DAZAP1: variants seen among roughly 807,000 people sequenced by gnomAD.
DAZAP1 encodes DAZ associated protein 1, also known as DAZ-associated protein 1.
A neutral mutation model predicts 60.1 loss-of-function variants in DAZAP1; 6 were observed. The ratio of observed to expected loss-of-function variants is 0.10; its 90% confidence interval spans 0.05 to 0.20. The LOEUF (loss-of-function observed/expected upper bound fraction) is 0.20, where lower values mean the gene tolerates loss of function less well. Ranked by LOEUF, DAZAP1 falls within the 10% of genes least tolerant of loss-of-function variation. The pLI, the probability that DAZAP1 is intolerant of heterozygous loss-of-function variation, is 1.00. For synonymous variants in DAZAP1, 235 were observed against 215.9 expected (o/e 1.09, Z -0.78); for missense variants, 366 against 560.4 (o/e 0.65, Z 3.50).
At position 1,433,583 on chromosome 19, in the gene DAZAP1, C is replaced by T. The variant is rs546902173; in HGVS notation, c.1048+893C>T. On this transcript the variant is annotated intron_variant, in intron 11 of 11. Transcript: ENST00000233078. This position sits in a 1 kb window ranked among gnomAD's most constrained non-coding sequence, Gnocchi z 6.1. ...CGCCCAGGCCTTGGGCCGAGGTTGC[C>T]GCATGTGTGGGTTCTTGACCCACTC... 2.1e-5 allele frequency: 13 copies of T among 621,874 alleles called. No homozygotes were observed. Among genetic ancestry groups the T allele is most frequent in the South Asian group, 5.6e-5 (3 of 53,118 alleles). 38.5% of individuals were successfully genotyped at this position (621,874 alleles called of 1,614,324 possible). A position where few individuals can be genotyped will look rare whatever the true frequency, so the allele number is the denominator to read the frequency against.
intron 1 of DAZAP1, among the ~76,000 whole-genome samples, chr19:1,408,085 G>C (rs538952563): frequency 4.6e-5 from 7 of 151,888 alleles, no homozygotes; most frequent in African/African-American, 1.4e-4. Flanking sequence ...GCCGCCTCCA[G>C]ACTTCCTGGT....
Position 1,433,603 on chromosome 19 carries a change from CCA to C in DAZAP1, c.1048+915_1048+916del. 1 of 696,282 alleles carries C rather than the reference CCA, an allele frequency of 1.4e-6. No individual in the cohort carries two copies. Among genetic ancestry groups the C allele is most frequent in the Non-Finnish European group, 2.5e-6 (1 of 405,544 alleles). The allele number at this position is 696,282 out of a possible 1,614,324, so 43.1% of individuals were successfully genotyped here. On this transcript the variant is annotated intron_variant, in intron 11 of 11. Transcript: ENST00000233078. The surrounding 1 kb of genome is among the most constrained non-coding windows in gnomAD (Gnocchi z 6.1). ...GTTGCCGCATGTGTGGGTTCTTGAC[CCA>C]CTCACCACCAAACCCTGGCGTGTCT...
Position 1,422,250 on chromosome 19 carries a change from G to C in DAZAP1, c.415-98G>C. On this transcript the variant is annotated intron_variant, in intron 5 of 11. Coordinates refer to ENST00000233078, the MANE Select transcript of DAZAP1 (RefSeq NM_018959.4). The surrounding 1 kb of genome is among the most constrained non-coding windows in gnomAD (Gnocchi z 4.5). ...CCCCCGCTCAGGGAGGGCGCACCCT[G>C]TGCGAGAGTTTGGGTTCGTGGGAAC... 8.8e-7 allele frequency: 1 copy of C among 1,137,420 alleles called. No homozygotes were observed. The allele number at this position is 1,137,420 out of a possible 1,614,324, so 70.5% of individuals were successfully genotyped here. A position where few individuals can be genotyped will look rare whatever the true frequency, so the allele number is the denominator to read the frequency against.
intron 6 of DAZAP1, among the ~76,000 whole-genome samples, chr19:1,424,076 CT>C (rs2083236810): frequency 6.6e-6 from 1 of 152,132 alleles, no homozygotes; most frequent in Non-Finnish European, 1.5e-5. Context: ...CTGTGTCCCC[CT>C]CCCCGCCACC....
chr19:1,425,068 T>G lies in DAZAP1; in HGVS notation c.464-810T>G, dbSNP rs28474782. 5.4e-3 allele frequency among the ~76,000 whole-genome samples: 830 copies of G among 152,356 alleles called. 9 individuals are homozygous for G. Among genetic ancestry groups the G allele is most frequent in the African/African-American group, 0.019 (774 of 41,578 alleles). ...TTGCCTTTAAAATTTTCTGTTTTGA[T>G]CCCATGGTGCATCTCGCTCTTGCTG... On this transcript the variant is annotated intron_variant, in intron 6 of 11. Coordinates refer to ENST00000233078, the MANE Select transcript of DAZAP1 (RefSeq NM_018959.4). The surrounding 1 kb of genome is among the most constrained non-coding windows in gnomAD (Gnocchi z 5.4).
At position 1,428,894 on chromosome 19, in the gene DAZAP1, A is replaced by G. The variant is rs751568758; in HGVS notation, c.599A>G (p.Gln200Arg). ...PRDSKSQAPG[Q>R]PGASQWGSRV... Reference sequence around the variant, plus strand: ...GACAGCAAGAGCCAAGCGCCGGGACAGCCAGGTGCCAGCCAGTGGGGGAGC... The same window carrying G: ...GACAGCAAGAGCCAAGCGCCGGGACGGCCAGGTGCCAGCCAGTGGGGGAGC... The change falls in exon 8 of 12, where the codon CAG (glutamine) becomes CGG (arginine). Residue 200 changes from glutamine (Q) to arginine (R), a missense_variant. Physicochemically the swap from Gln to Arg is conservative, Grantham distance 43. Coordinates refer to ENST00000233078, the MANE Select transcript of DAZAP1 (RefSeq NM_018959.4). The surrounding 1 kb of genome is among the most constrained non-coding windows in gnomAD (Gnocchi z 4.0). 3.1e-6 allele frequency: 5 copies of G among 1,613,054 alleles called. No individual in the cohort carries two copies. Among genetic ancestry groups the G allele is most frequent in the Non-Finnish European group, 4.2e-6 (5 of 1,179,902 alleles).
intron 4 of DAZAP1, among the ~76,000 whole-genome samples, 153 bp from the exon 5 acceptor site, chr19:1,420,995 G>T (rs546504249): frequency 7.2e-5 from 11 of 152,208 alleles, no homozygotes; most frequent in Non-Finnish European, 1.3e-4. Flanking sequence ...GCAGAGCCCA[G>T]TGTCTTTGGA....
At position 1,425,782 on chromosome 19, in the gene DAZAP1, C is replaced by T; in HGVS notation, c.464-96C>T. ...CCCCACACACAGCTTAGCTGAAACCCAAGGTCGATCCCTCGGCCCGTCCCT... is the reference window on the plus strand; with the variant it reads ...CCCCACACACAGCTTAGCTGAAACCTAAGGTCGATCCCTCGGCCCGTCCCT... On this transcript the variant is annotated intron_variant, in intron 6 of 11. Coordinates refer to ENST00000233078, the MANE Select transcript of DAZAP1 (RefSeq NM_018959.4). The surrounding 1 kb of genome is among the most constrained non-coding windows in gnomAD (Gnocchi z 5.4). 1 of 908,612 alleles carries T rather than the reference C, an allele frequency of 1.1e-6. No individual in the cohort carries two copies. The highest frequency in any genetic ancestry group is 1.8e-6 in the Non-Finnish European group (1 of 543,372). The allele number at this position is 908,612 out of a possible 1,614,324, so 56.3% of individuals were successfully genotyped here.
chr19:1,417,034 C>T (rs1265292928), intron 1 of DAZAP1: 3 of 194,020 alleles, frequency 1.5e-5, no homozygotes, highest in African/African-American at 2.4e-5. Flanking sequence ...TGTGTCCCCC[C>T]ACCCCCGCCC....
chr19:1,409,336 C>T (rs2082758321), intron 1 of DAZAP1, among the ~76,000 whole-genome samples: 1 of 152,146 alleles, frequency 6.6e-6, no homozygotes, highest in African/African-American at 2.4e-5. Flanking sequence ...GAACGTGGGC[C>T]CGCTCCACCC....
chr19:1,430,353 C>T lies in DAZAP1; in HGVS notation c.862C>T (p.Pro288Ser). 1 of 1,521,946 alleles carries T rather than the reference C, an allele frequency of 6.6e-7. No individual in the cohort carries two copies. Among genetic ancestry groups the T allele is most frequent in the African/African-American group, 1.4e-5 (1 of 71,422 alleles). The allele number at this position is 1,521,946 out of a possible 1,614,324, so 94.3% of individuals were successfully genotyped here. A position where few individuals can be genotyped will look rare whatever the true frequency, so the allele number is the denominator to read the frequency against. ...QGFPQGYGAPPQFSFGYGPPP... is the reference protein window; with the variant it reads ...QGFPQGYGAPSQFSFGYGPPP... ...CTTCCCTCAGGGCTACGGTGCCCCG[C>T]CACAGTTCAGTAAGTCTAGGGGGCC... is the stretch of plus-strand genomic sequence containing the variant. The change falls in exon 10 of 12, where the codon CCA becomes TCA. Residue 288 changes from proline to serine, a missense_variant. By Grantham distance (74) the Pro-to-Ser change is moderately conservative (BLOSUM62 -1). Around this residue, in one of 3 missense-constraint regions of DAZAP1, gnomAD observed 240 missense variants for 308.8 expected, o/e 0.78. Transcript: ENST00000233078.
chr19:1,422,074 C>CAA lies in DAZAP1; in HGVS notation c.415-273_415-272insAA, dbSNP rs2144815473. ...TTGGCCCTTCATGTCCGTCAGCACA[C>CAA]ACGTGAGCGGGGCCACGGGCAGCCC... is the stretch of plus-strand genomic sequence containing the variant. On this transcript the variant is annotated intron_variant, in intron 5 of 11. Transcript: ENST00000233078. The surrounding 1 kb of genome is among the most constrained non-coding windows in gnomAD (Gnocchi z 4.5). Among the ~76,000 whole-genome samples, 1 of 152,282 alleles carries CAA rather than the reference C, an allele frequency of 6.6e-6. No individual in the cohort carries two copies. Among genetic ancestry groups the CAA allele is most frequent in the East Asian group, 1.9e-4 (1 of 5,184 alleles).
intron 10 of DAZAP1, among the ~76,000 whole-genome samples, chr19:1,430,935 G>A (rs371378025): frequency 6.0e-4 from 90 of 149,682 alleles, no homozygotes; most frequent in African/African-American, 2.0e-3. Context: ...GTTAGCCAGG[G>A]TGGTCTCGAT....
At position 1,421,231 on chromosome 19, in the gene DAZAP1, C is replaced by T. The variant is rs749881340; in HGVS notation, c.387C>T (p.Leu129=). 8 of 1,614,160 alleles carry T rather than the reference C, an allele frequency of 5.0e-6. No individual in the cohort carries two copies. The highest frequency in any genetic ancestry group is 5.1e-6 in the Non-Finnish European group (6 of 1,180,004). Residue 129 remains leucine, a synonymous_variant, in exon 5 of 12, where the codon CTC becomes CTT. Transcript: ENST00000233078. The part of the protein sequence containing the change: ...GIPHNCGETE[L]REYFKKFGVV... ...CTCACAATTGTGGTGAGACAGAGCT[C>T]AGGGAATACTTCAAGAAGTTCGGAG...
intron 1 of DAZAP1, 152 bp from the exon 2 acceptor site, chr19:1,417,348 C>T (rs2083016383): frequency 1.2e-6 from 1 of 815,430 alleles, no homozygotes; most frequent in African/African-American, 1.7e-5. Flanking sequence ...GCTGACTCGC[C>T]ATTGCTGTGA....
intron 1 of DAZAP1, among the ~76,000 whole-genome samples, chr19:1,414,570 C>T (rs894064867): frequency 2.3e-4 from 35 of 151,766 alleles, no homozygotes; most frequent in African/African-American, 8.0e-4. Flanking sequence ...TATGGTGAAA[C>T]CCCGTCTCTA....
At position 1,418,178 on chromosome 19, in the gene DAZAP1, G is replaced by C. The variant is rs1468790472; in HGVS notation, c.71-26G>C. On this transcript the variant is annotated intron_variant, in intron 2 of 11. Transcript: ENST00000233078. This position sits in a 1 kb window ranked among gnomAD's most constrained non-coding sequence, Gnocchi z 5.7. ...CCTAATGCTCTGGCCCTGTGTGTTT[G>C]TGTTTTCTTCCCGATTTCTGAGCAG... 1 of 1,612,604 alleles carries C rather than the reference G, an allele frequency of 6.2e-7. No homozygotes were observed. The highest frequency in any genetic ancestry group is 2.2e-5 in the East Asian group (1 of 44,872).
Position 1,428,974 on chromosome 19 carries a change from C to A in DAZAP1, c.679C>A (p.Gln227Lys). Residue 227 changes from glutamine (Q) to lysine (K), a missense_variant, in exon 8 of 12, where the codon CAG becomes AAG. Transcript: ENST00000233078. The surrounding 1 kb of genome is among the most constrained non-coding windows in gnomAD (Gnocchi z 4.0). ...GWAGQPPPTW[Q>K]QGYGPQGMWV... ...GGCAGGCCAGCCCCCGCCCACGTGG[C>A]AGCAAGGATATGGCCCGCAAGGTAA... is the stretch of plus-strand genomic sequence containing the variant. 1 of 1,603,720 alleles carries A rather than the reference C, an allele frequency of 6.2e-7. No homozygotes were observed. Among genetic ancestry groups the A allele is most frequent in the Non-Finnish European group, 8.5e-7 (1 of 1,175,638 alleles).
At chr19:1,411,084 C>T (rs2082816607) in intron 1 of DAZAP1, among the ~76,000 whole-genome samples, 1 of 152,222 alleles carries the variant, frequency 6.6e-6, no homozygotes, top group Non-Finnish European at 1.5e-5. Context: ...AGAGTGAGCA[C>T]AAGGCACCTG....
Sources: gnomAD v4.1 joint callset for allele counts (sites outside exome capture counted in the v4.1 genomes callset) on GRCh38, gnomAD v4.1.1 for gene constraint, gnomAD v4.1.1 regional missense constraint, Gnocchi (gnomAD v3.1) non-coding constraint, MANE v1.5 for transcripts, NCBI Gene and HGNC (gene_info 2026-07-23, HGNC 2026-07-21) for gene names.